COL24A1: variants seen among roughly 807,000 people sequenced by gnomAD.
COL24A1 encodes collagen type XXIV alpha 1 chain.
COL24A1 carries 224 observed loss-of-function variants against 253.9 expected under a neutral mutation model. The observed-to-expected ratio is 0.88, with a 90% CI of 0.79 to 0.99. COL24A1 has a LOEUF of 0.99. Among genes scored for constraint, COL24A1 ranks in the 50% least tolerant of loss-of-function variants. The pLI is 0.00. For missense variants in COL24A1, 2,131 were observed against 2,068.5 expected, an observed-to-expected ratio of 1.03 and a Z score of -0.59; for synonymous variants, 685 against 673.7, an observed-to-expected ratio of 1.02 and a Z score of -0.26.
intron 53 of COL24A1, among the ~76,000 whole-genome samples, chr1:85,772,294 A>T (rs1055342936): frequency 6.6e-6 from 1 of 151,722 alleles, no homozygotes; most frequent in African/African-American, 2.4e-5. Flanking sequence ...AATCATTAAA[A>T]AGTCAGGAAA....
At chr1:85,999,626 ATAAAATAAAG>A (rs137954889) in intron 19 of COL24A1, among the ~76,000 whole-genome samples, 57,138 of 150,530 alleles carry the variant, frequency 0.38, 11,394 homozygotes, top group East Asian at 0.57. Context: ...TCTCACTAAA[ATAAAATAAAG>A]TAAAATAAAA....
At chr1:85,927,229 G>A (rs6667008) in intron 24 of COL24A1, among the ~76,000 whole-genome samples, 3 of 152,040 alleles carry the variant, frequency 2.0e-5, no homozygotes, top group Non-Finnish European at 4.4e-5. Context: ...TGTGCGCACC[G>A]TGCGCGAGCC....
At chr1:85,974,219 A>G (rs1288659211) in intron 20 of COL24A1, among the ~76,000 whole-genome samples, 3 of 152,144 alleles carry the variant, frequency 2.0e-5, no homozygotes, top group Non-Finnish European at 4.4e-5. Context: ...ACTAATATTA[A>G]CAAACTTGAT....
chr1:85,730,369 T>G lies in COL24A1; in HGVS notation c.*177A>C, dbSNP rs1037638255. The G allele has an allele frequency of 1.5e-5, 8 of 549,698 alleles. No homozygotes were observed. In the South Asian group the frequency reaches 2.7e-4, roughly 18 times the overall value. The allele number at this position is 549,698 out of a possible 1,614,324, so 34.1% of individuals were successfully genotyped here. ...GAATTAAATACTTTATCAATCATAG[T>G]CCTTTAAAAATGCCTTTTCTCCTTC... On this transcript the variant is annotated 3_prime_UTR_variant, in exon 60 of 60. Coordinates refer to ENST00000370571, the MANE Select transcript of COL24A1 (RefSeq NM_152890.7).
chr1:86,052,901 T>C (rs1700413544), intron 10 of COL24A1, among the ~76,000 whole-genome samples: 1 of 152,062 alleles, frequency 6.6e-6, no homozygotes, highest in Non-Finnish European at 1.5e-5. Context: ...TGAAAACTTT[T>C]TTAGGTGTTT....
At chr1:86,049,677 T>C (rs1381778542) in intron 11 of COL24A1, among the ~76,000 whole-genome samples, 1 of 152,126 alleles carries the variant, frequency 6.6e-6, no homozygotes, top group Admixed American at 6.5e-5. Flanking sequence ...GGTTCTATCT[T>C]TACTTATAAG....
chr1:86,120,891 C>G (rs987205829), intron 3 of COL24A1, among the ~76,000 whole-genome samples: 11 of 152,084 alleles, frequency 7.2e-5, no homozygotes, highest in African/African-American at 2.2e-4. Flanking sequence ...TGGAACCAAC[C>G]CAAATGTCCA....
intron 53 of COL24A1, among the ~76,000 whole-genome samples, chr1:85,767,560 T>A (rs1667512719): frequency 6.6e-6 from 1 of 152,110 alleles, no homozygotes; most frequent in Non-Finnish European, 1.5e-5. Context: ...GGAAAAGAAG[T>A]GATTAAAAAG....
rs545132134 is a variant in COL24A1, at chr1:86,059,316, C to T, written c.1753-142G>A. ...TGGCTTATGTAACTGAAATCACCTA[C>T]GTGAAGGAAAATGGACAAAAATTGC... is the stretch of plus-strand genomic sequence containing the variant. On this transcript the variant is annotated intron_variant, in intron 8 of 59. Coordinates refer to ENST00000370571, the MANE Select transcript of COL24A1 (RefSeq NM_152890.7). The T allele has an allele frequency of 1.2e-4, 60 of 486,484 alleles. 1 individual carries two copies. In the South Asian group the frequency reaches 1.4e-3, roughly 12 times the overall value. 30.1% of individuals were successfully genotyped at this position (486,484 alleles called of 1,614,324 possible).
intron 47 of COL24A1, among the ~76,000 whole-genome samples, chr1:85,798,620 T>C (rs1052977430): frequency 2.0e-5 from 3 of 152,210 alleles, no homozygotes; most frequent in African/African-American, 4.8e-5. Flanking sequence ...GATTTCCTAA[T>C]AGAAGCTTCG....
At chr1:86,134,600 G>A (rs1234132884) in intron 2 of COL24A1, among the ~76,000 whole-genome samples, 15 of 150,866 alleles carry the variant, frequency 9.9e-5, no homozygotes, top group African/African-American at 3.7e-4. Context: ...CTTCATTTCG[G>A]TATGTACCCA....
chr1:85,759,665 C>T (rs1015200792), intron 55 of COL24A1, among the ~76,000 whole-genome samples: 8 of 152,284 alleles, frequency 5.3e-5, no homozygotes, highest in South Asian at 2.1e-4. Flanking sequence ...ATTCAACACA[C>T]GTATTTTCTT....
At chr1:85,790,570 C>T (rs1295937856) in intron 47 of COL24A1, among the ~76,000 whole-genome samples, 2 of 151,622 alleles carry the variant, frequency 1.3e-5, no homozygotes, top group African/African-American at 2.4e-5. Context: ...ACTTCCATTG[C>T]TTTGTACTGT....
chr1:85,850,615 G>A (rs1235266433), intron 37 of COL24A1, among the ~76,000 whole-genome samples: 5 of 152,128 alleles, frequency 3.3e-5, no homozygotes, highest in Non-Finnish European at 7.4e-5. Context: ...AATCTTCATA[G>A]AGATTAAAGG....
At chr1:86,094,370 T>A (rs1703741916) in intron 5 of COL24A1, among the ~76,000 whole-genome samples, 1 of 152,104 alleles carries the variant, frequency 6.6e-6, no homozygotes, top group Non-Finnish European at 1.5e-5. Flanking sequence ...GAAATCATTA[T>A]CCTTAGCATA....
chr1:85,988,283 C>A (rs1693916017), intron 19 of COL24A1, among the ~76,000 whole-genome samples: 2 of 151,890 alleles, frequency 1.3e-5, no homozygotes, highest in Non-Finnish European at 2.9e-5. Context: ...TGAATAAAAT[C>A]TTTGACCTGT....
At chr1:85,872,259 G>A (rs1680604375) in intron 35 of COL24A1, among the ~76,000 whole-genome samples, 1 of 152,120 alleles carries the variant, frequency 6.6e-6, no homozygotes. Context: ...TGTCAAAATG[G>A]CCATATTGCC....
At chr1:86,012,488 C>T (rs1696596453) in intron 19 of COL24A1, among the ~76,000 whole-genome samples, 1 of 152,124 alleles carries the variant, frequency 6.6e-6, no homozygotes, top group Admixed American at 6.5e-5. Context: ...ACCTGGGAGG[C>T]TGAGGCAGGA....
rs1029896846 is a variant in COL24A1, at chr1:85,894,989, T to C, written c.2922+869A>G. On this transcript the variant is annotated intron_variant, in intron 31 of 59. Transcript: ENST00000370571. The stretch of plus-strand genomic sequence containing the variant: ...CCCGAGCTGCAATCTATTTATATTA[T>C]CTATTTTTATAACTTTATATTATAC... Among the ~76,000 whole-genome samples the C allele has an allele frequency of 3.9e-5, 6 of 152,266 alleles. No individual in the cohort carries two copies. In the East Asian group the frequency reaches 1.2e-3, roughly 29 times the overall value.
Sources: allele counts gnomAD v4.1 joint callset (sites outside exome capture counted in the v4.1 genomes callset), GRCh38; gene constraint gnomAD v4.1.1; transcripts MANE v1.5; gene names NCBI Gene and HGNC (gene_info 2026-07-23, HGNC 2026-07-21).